The following CSMD1 variants were observed in gnomAD, a reference collection of about 807,000 sequenced individuals.
CSMD1 encodes the protein CUB and sushi domain-containing protein 1.
A neutral mutation model predicts 417.5 loss-of-function variants in CSMD1; 213 were observed. The ratio of observed to expected loss-of-function variants is 0.51; its 90% CI spans 0.46 to 0.57. The LOEUF (loss-of-function observed/expected upper bound fraction) is 0.57. Among genes scored for constraint, CSMD1 ranks in the 20% least tolerant of loss-of-function variants. The probability of loss-of-function intolerance (pLI) is 0.00; values close to 1 mark genes in which losing one functional copy is unlikely to be tolerated. For synonymous variants in CSMD1, 2,862 were observed against 1,736.8 expected (o/e 1.65, Z -16.11); for missense variants, 6,923 against 4,529.7 (o/e 1.53, Z -15.17).
chr8:3,880,462 A>C (rs535875325), intron 5 of CSMD1, among the ~76,000 whole-genome samples: 3 of 152,188 alleles, frequency 2.0e-5, no homozygotes, highest in African/African-American at 4.8e-5. Flanking sequence ...AATTCTTGAG[A>C]TATCTCGCTG....
At chr8:4,351,243 C>T (rs1373915086) in intron 3 of CSMD1, among the ~76,000 whole-genome samples, 1 of 152,134 alleles carries the variant, frequency 6.6e-6, no homozygotes, top group Non-Finnish European at 1.5e-5. Flanking sequence ...GCTCCATCTA[C>T]ATCCTGTCTT....
intron 41 of CSMD1, among the ~76,000 whole-genome samples, chr8:3,129,714 C>T (rs1317726372): frequency 1.4e-5 from 2 of 146,986 alleles, no homozygotes; most frequent in Admixed American, 1.4e-4. Flanking sequence ...CTGGGCCGGG[C>T]GGGGTGGCTC....
intron 3 of CSMD1, among the ~76,000 whole-genome samples, chr8:4,211,930 G>T (rs924566212): frequency 6.6e-6 from 1 of 152,116 alleles, no homozygotes; most frequent in African/African-American, 2.4e-5. Flanking sequence ...TAGGAAGAAA[G>T]GGTAATAAAG....
rs148069130 is a variant in CSMD1, at chr8:3,958,029, A to G, written c.818+39874T>C. Among the ~76,000 whole-genome samples the G allele has an allele frequency of 3.1e-3, 475 of 152,282 alleles. 5 individuals are homozygous for G. Among genetic ancestry groups the G allele is most frequent in the African/African-American group, 0.011 (455 of 41,554 alleles). On this transcript the variant is annotated intron_variant, in intron 5 of 69. Transcript: ENST00000635120. Reference sequence around the variant, plus strand: ...TAAACCAGAGAAGACAACTAATAGAATATCATTCTCTTAGTTGTGCCTGTA... The same window carrying G: ...TAAACCAGAGAAGACAACTAATAGAGTATCATTCTCTTAGTTGTGCCTGTA...
intron 3 of CSMD1, among the ~76,000 whole-genome samples, chr8:4,367,062 G>T (rs1355548544): frequency 6.6e-6 from 1 of 152,048 alleles, no homozygotes; most frequent in African/African-American, 2.4e-5. Flanking sequence ...GGTCCCACTT[G>T]TCAATTTTTA....
At chr8:3,313,986 T>G (rs1805559311) in intron 23 of CSMD1, among the ~76,000 whole-genome samples, 1 of 152,154 alleles carries the variant, frequency 6.6e-6, no homozygotes, top group African/African-American at 2.4e-5. Flanking sequence ...TGGATGAAGC[T>G]GGAAACCATC....
chr8:4,818,536 G>A (rs1585152340), intron 1 of CSMD1, among the ~76,000 whole-genome samples: 1 of 152,084 alleles, frequency 6.6e-6, no homozygotes, highest in Admixed American at 6.6e-5. Context: ...ATATTATATA[G>A]GCATGAATCC....
At chr8:3,450,502 C>T (rs1473571484) in intron 12 of CSMD1, among the ~76,000 whole-genome samples, 1 of 150,962 alleles carries the variant, frequency 6.6e-6, no homozygotes, top group Non-Finnish European at 1.5e-5. Flanking sequence ...TGATGTTCCC[C>T]TTCCTGTGTC....
At chr8:4,782,074 G>C (rs943078969) in intron 1 of CSMD1, among the ~76,000 whole-genome samples, 1 of 152,136 alleles carries the variant, frequency 6.6e-6, no homozygotes, top group Non-Finnish European at 1.5e-5. Flanking sequence ...AATTACAGTA[G>C]CACAAGCAGC....
intron 11 of CSMD1, among the ~76,000 whole-genome samples, chr8:3,491,569 G>C (rs999917344): frequency 6.6e-6 from 1 of 152,160 alleles, no homozygotes; most frequent in Non-Finnish European, 1.5e-5. Flanking sequence ...TAAGCTAGAG[G>C]GAGGTGTTCT....
chr8:3,797,984 C>T (rs562893011), intron 5 of CSMD1, among the ~76,000 whole-genome samples: 3 of 151,972 alleles, frequency 2.0e-5, no homozygotes, highest in Non-Finnish European at 2.9e-5. Flanking sequence ...GCGGTTTCAA[C>T]GTGCATTTCC....
At chr8:3,635,960 T>G (rs1191214928) in intron 7 of CSMD1, among the ~76,000 whole-genome samples, 1 of 152,196 alleles carries the variant, frequency 6.6e-6, no homozygotes, top group African/African-American at 2.4e-5. Context: ...AAACTTCTAT[T>G]TAGCTTTTGG....
intron 7 of CSMD1, among the ~76,000 whole-genome samples, chr8:3,630,256 T>A (rs377116650): frequency 6.6e-6 from 1 of 152,112 alleles, no homozygotes; most frequent in Non-Finnish European, 1.5e-5. Flanking sequence ...AGGGTCACAG[T>A]TGGACTCTGA....
chr8:4,316,917 G>T (rs1798969509), intron 3 of CSMD1, among the ~76,000 whole-genome samples: 1 of 152,010 alleles, frequency 6.6e-6, no homozygotes, highest in African/African-American at 2.4e-5. Context: ...GAATAGAAAA[G>T]CCAGGTACTG....
At chr8:4,154,781 A>G (rs537660518) in intron 3 of CSMD1, among the ~76,000 whole-genome samples, 1 of 152,236 alleles carries the variant, frequency 6.6e-6, no homozygotes, top group African/African-American at 2.4e-5. Flanking sequence ...CACTGATCAC[A>G]GAGAAAATAA....
intron 1 of CSMD1, among the ~76,000 whole-genome samples, chr8:4,717,987 A>T (rs1808795325): frequency 6.6e-6 from 1 of 152,100 alleles, no homozygotes; most frequent in African/African-American, 2.4e-5. Flanking sequence ...TTATTTTATT[A>T]TTTGTTTTGA....
chr8:3,389,085 T>C (rs184723833), intron 17 of CSMD1, among the ~76,000 whole-genome samples: 9 of 152,200 alleles, frequency 5.9e-5, no homozygotes, highest in African/African-American at 1.9e-4. Flanking sequence ...TAAAACCCAG[T>C]GCTGGGTGAA....
At chr8:4,416,222 A>G (rs1796929965) in intron 3 of CSMD1, among the ~76,000 whole-genome samples, 1 of 152,204 alleles carries the variant, frequency 6.6e-6, no homozygotes, top group Non-Finnish European at 1.5e-5. Flanking sequence ...CTTTCTATCC[A>G]AAGAAAGGTT....
At chr8:3,307,569 G>C (rs1563253449) in intron 25 of CSMD1, 126 bp downstream of exon 25, 14 of 1,148,094 alleles carry the variant, frequency 1.2e-5, no homozygotes, top group Non-Finnish European at 1.6e-5. Flanking sequence ...TTTAGCTACA[G>C]CTTTACCTTT....
Sources: allele counts gnomAD v4.1 joint callset (sites outside exome capture counted in the v4.1 genomes callset), GRCh38; gene constraint gnomAD v4.1.1; transcripts MANE v1.5; gene names NCBI Gene and HGNC (gene_info 2026-07-23, HGNC 2026-07-21).